Variants in DNAH1 observed in about 807,000 individuals in gnomAD.
DNAH1 encodes the protein axonemal beta dynein heavy chain 1.
In DNAH1, 327 loss-of-function variants were observed where a neutral mutation model predicts 484.3. The observed-to-expected ratio is 0.68, with a 90% CI of 0.62 to 0.74. The LOEUF is 0.74. DNAH1 is among the 30% of genes least tolerant of loss of function. The pLI, the probability that DNAH1 is intolerant of heterozygous loss-of-function variation, is 0.00. For synonymous variants in DNAH1, 2,192 were observed against 2,191.9 expected, an observed-to-expected ratio of 1.00 and a Z score of 0.00; for missense variants, 5,052 against 5,546.8, an observed-to-expected ratio of 0.91 and a Z score of 2.83.
chr3:52,369,725 C>T, intron 37 of DNAH1, 100 bp from the exon 38 acceptor site: 3 of 1,314,062 alleles, frequency 2.3e-6, no homozygotes, highest in Non-Finnish European at 2.1e-6. Context: ...CCACACCGCC[C>T]ACTTACAGGA....
At position 52,354,854 on chromosome 3, in the gene DNAH1, G is replaced by A. The variant is rs1290214730; in HGVS notation, c.3492G>A (p.Lys1164=). The part of the protein sequence containing the change: ...KEYAIEQALD[K]MEKEWSTILF... ...GTCCCCGACCCCAGGCACTGGACAA[G>A]ATGGAGAAGGAGTGGTCGACCATCC... The change falls in exon 21 of 78, where the codon AAG becomes AAA. Residue 1164 remains lysine, a synonymous_variant. Transcript: ENST00000420323. The A allele has an allele frequency of 6.2e-7, 1 of 1,613,674 alleles. No homozygotes were observed. The highest frequency in any genetic ancestry group is 1.3e-5 in the African/African-American group (1 of 75,028).
At position 52,399,669 on chromosome 3, in the gene DNAH1, A is replaced by C; in HGVS notation, c.12566A>C (p.Lys4189Thr). The C allele has an allele frequency of 6.2e-7, 1 of 1,614,022 alleles. No individual in the cohort carries two copies. Among genetic ancestry groups the C allele is most frequent in the East Asian group, 2.2e-5 (1 of 44,888 alleles). The change falls in exon 77 of 78, where the codon AAG (lysine) becomes ACG (threonine). Residue 4189 changes from lysine (K) to threonine (T), a missense_variant. Physicochemically the swap from Lys to Thr is moderately conservative, Grantham distance 78. Transcript: ENST00000420323. ...TTCCAGCTGGCTGAGTCTCAGCCCA[A>C]GGAGCTGTACACAGAGATGGCCGTT... is the stretch of plus-strand genomic sequence containing the variant. ...EAFQLAESQP[K>T]ELYTEMAVIW... is the part of the protein sequence containing the mutation.
intron 5 of DNAH1, among the ~76,000 whole-genome samples, chr3:52,327,294 G>A (rs748760170): frequency 4.6e-5 from 7 of 152,126 alleles, no homozygotes; most frequent in East Asian, 1.9e-4. Context: ...TGCCACCCCC[G>A]TGGGGTATAA....
Position 52,345,646 on chromosome 3 carries a change from C to T in DNAH1, c.1596C>T (p.Ser532=), listed in dbSNP as rs983923760. The change falls in exon 10 of 78, where the codon AGC becomes AGT. Residue 532 remains serine (S), a synonymous_variant. Transcript: ENST00000420323. ...KVTAMSLFHS[S]LSKYSHLEEF... ...CCGCCATGTCCCTGTTCCACTCGAG[C>T]CTCTCCAAGTACAGCCACCTGGAGG... 1.2e-6 allele frequency: 2 copies of T among 1,612,596 alleles called. No individual in the cohort carries two copies. Among genetic ancestry groups the T allele is most frequent in the Non-Finnish European group, 1.7e-6 (2 of 1,179,418 alleles).
rs763580863 is a variant in DNAH1 at position 52,359,365 on chromosome 3, G to C, written c.4386G>C (p.Leu1462=). ...AGGCCGGCAACCTCAGAAGCCAACTGTTCCCCCAGCTCTGCCAGCAGGTTG... is the reference window on the plus strand; with the variant it reads ...AGGCCGGCAACCTCAGAAGCCAACTCTTCCCCCAGCTCTGCCAGCAGGTTG... ...ALEAGNLRSQ[L]FPQLCQQLSD... Residue 1462 remains leucine, a synonymous_variant, in exon 26 of 78, where the codon CTG becomes CTC. Coordinates refer to ENST00000420323, the MANE Select transcript of DNAH1 (RefSeq NM_015512.5). The C allele has an allele frequency of 5.1e-6, 8 of 1,571,004 alleles. No homozygotes were observed. The highest frequency in any genetic ancestry group is 2.3e-5 in the South Asian group (2 of 85,532).
In DNAH1 at chr3:52,326,814, A is replaced by G; in HGVS notation, c.661A>G (p.Arg221Gly). ...CATCGACTCCAACAAGCTCATGCCC[A>G]GGCACCTGGACCACCAGCACCCCCA... ...QGIDSNKLMP[R>G]HLDHQHPQTI... The change falls in exon 5 of 78, where the codon AGG (arginine) becomes GGG (glycine). Residue 221 changes from arginine (R) to glycine (G), a missense_variant. This residue lies in a region of DNAH1 where 1,263 missense variants were observed against 1,218.8 expected (regional missense o/e 1.04). Transcript: ENST00000420323. 1 of 1,613,738 alleles carries G rather than the reference A, an allele frequency of 6.2e-7. No homozygotes were observed.
chr3:52,368,900 GATC>G lies in DNAH1; in HGVS notation c.5930_5932del (p.Ile1977del). 3 of 1,613,506 alleles carry G rather than the reference GATC, an allele frequency of 1.9e-6. No individual in the cohort carries two copies. The highest frequency in any genetic ancestry group is 2.5e-6 in the Non-Finnish European group (3 of 1,179,560). Reference sequence around the variant, plus strand: ...AGAAGCTGTGCCTCAGCTCTGGGGAGATCATCAAGCTCACAGAGGTGCACCTAC... The same window carrying G: ...AGAAGCTGTGCCTCAGCTCTGGGGAGATCAAGCTCACAGAGGTGCACCTAC... On this transcript the variant is annotated inframe_deletion, in exon 37 of 78. Coordinates refer to ENST00000420323, the MANE Select transcript of DNAH1 (RefSeq NM_015512.5). This position sits in a 1 kb window ranked among gnomAD's most constrained non-coding sequence, Gnocchi z 4.4.
In DNAH1 at chr3:52,357,999, C is replaced by A; in HGVS notation, c.4082C>A (p.Ala1361Asp). 6.2e-7 allele frequency: 1 copy of A among 1,602,906 alleles called. No homozygotes were observed. Among genetic ancestry groups the A allele is most frequent in the South Asian group, 1.1e-5 (1 of 90,274 alleles). Residue 1361 changes from alanine (A) to aspartate (D), a missense_variant, in exon 24 of 78, where the codon GCT (alanine) becomes GAT (aspartate). Ala to Asp is a moderately radical substitution (Grantham distance 126). Coordinates refer to ENST00000420323, the MANE Select transcript of DNAH1 (RefSeq NM_015512.5). ...CTGCGCAAGTGCTTCGAGAACATCG[C>A]TCGGGTGGGCAGCTGGGCCCGGGGC... ...PHLRKCFENI[A>D]RLLFQEDLEI... is the part of the protein sequence containing the mutation.
At chr3:52,335,021 C>T (rs1229749245) in intron 8 of DNAH1, among the ~76,000 whole-genome samples, 1 of 151,814 alleles carries the variant, frequency 6.6e-6, no homozygotes, top group Admixed American at 6.6e-5. Flanking sequence ...AGGATGGTCT[C>T]GATCTCCTGA....
In DNAH1 at chr3:52,381,684, C is replaced by A. The variant is rs371803497; in HGVS notation, c.7653C>A (p.Ile2551=). 1 of 1,608,574 alleles carries A rather than the reference C, an allele frequency of 6.2e-7. No individual in the cohort carries two copies. The highest frequency in any genetic ancestry group is 1.7e-5 in the Admixed American group (1 of 59,404). ...AGTACATAGAGGACTACAACCAGAT[C>A]AACACGGCCAAGCTGAAGCTGGTCC... The part of the protein sequence containing the change: ...IEEYIEDYNQ[I]NTAKLKLVLF... The change falls in exon 49 of 78, where the codon ATC becomes ATA. Residue 2551 remains isoleucine (I), a synonymous_variant. Coordinates refer to ENST00000420323, the MANE Select transcript of DNAH1 (RefSeq NM_015512.5). This position sits in a 1 kb window ranked among gnomAD's most constrained non-coding sequence, Gnocchi z 4.1.
intron 36 of DNAH1, 92 bp downstream of exon 36, chr3:52,366,979 G>A: frequency 6.9e-7 from 1 of 1,449,968 alleles, no homozygotes; most frequent in South Asian, 1.3e-5. Context: ...TTAGCCCAGT[G>A]GAAGGCCGGG....
intron 34 of DNAH1, 74 bp downstream of exon 34, chr3:52,365,093 GAC>G (rs1231799692): frequency 2.7e-5 from 42 of 1,536,758 alleles, no homozygotes; most frequent in Admixed American, 3.7e-5. Context: ...GGGGGACAGA[GAC>G]AGGACAGTCC....
rs201940851 is a variant in DNAH1 at position 52,326,890 on chromosome 3, A to C, written c.737A>C (p.Lys246Thr). The change falls in exon 5 of 78, where the codon AAG (lysine) becomes ACG (threonine). Residue 246 changes from lysine (K) to threonine (T), a missense_variant and splice_region_variant. Physicochemically the swap from Lys to Thr is moderately conservative, Grantham distance 78. Transcript: ENST00000420323. ...ATCTTCCCCATCTACCTCCCACTGA[A>C]GGTGAGCCGGGCTTCCACAGATGGT... The part of the protein sequence containing the change: ...DPIFPIYLPL[K>T]VFDNEDFDCR... 8.6e-5 allele frequency: 138 copies of C among 1,611,894 alleles called. No homozygotes were observed. The highest frequency in any genetic ancestry group is 1.1e-4 in the Non-Finnish European group (132 of 1,178,914).
chr3:52,327,568 G>A (rs1006971115), intron 5 of DNAH1, among the ~76,000 whole-genome samples: 1 of 152,182 alleles, frequency 6.6e-6, no homozygotes, highest in South Asian at 2.1e-4. Context: ...GTGGGAGAAA[G>A]AACCCACCAC....
At chr3:52,314,579 C>T (rs1700890562), upstream of DNAH1, among the ~76,000 whole-genome samples, 1 of 152,182 alleles carries the variant, frequency 6.6e-6, no homozygotes, top group Admixed American at 6.5e-5. Context: ...GGCAGGGCTG[C>T]TGAGAAAAGC....
chr3:52,397,167 A>G (rs958767808), intron 73 of DNAH1, 123 bp downstream of exon 73: 2 of 935,568 alleles, frequency 2.1e-6, no homozygotes, highest in Non-Finnish European at 3.2e-6. Flanking sequence ...CTGTCTTTTC[A>G]TCAGTCAATC....
rs200649444 is a variant in DNAH1 at position 52,357,926 on chromosome 3, C to T, written c.4009C>T (p.Leu1337=). Residue 1337 remains leucine (L), a synonymous_variant, in exon 24 of 78, where the codon CTA becomes TTA. Transcript: ENST00000420323. ...CTACTTCCTGTCAGATGATGAACTA[C>T]TAGAGATCTTGTCGCAGACAAAGGA... ...RFYFLSDDEL[L]EILSQTKDPT... is the part of the protein sequence containing the mutation. The T allele has an allele frequency of 1.2e-5, 19 of 1,613,238 alleles. No individual in the cohort carries two copies. Among genetic ancestry groups the T allele is most frequent in the Non-Finnish European group, 1.6e-5 (19 of 1,179,788 alleles).
chr3:52,393,513 T>A (rs1444271397), intron 66 of DNAH1, 28 bp downstream of exon 66: 1 of 1,612,144 alleles, frequency 6.2e-7, no homozygotes, highest in Non-Finnish European at 8.5e-7. Context: ...CAGGACAGAC[T>A]GCCTGAGGGG....
rs779186620 is a variant in DNAH1 at position 52,397,886 on chromosome 3, T to C, written c.11958+9T>C. ...GCCAGGGCCGGGAGGAGGTGGGTGG[T>C]GTCAGAGTAAGGGGCCCAAGGGCTG... On this transcript the variant is annotated intron_variant, in intron 74 of 77. Coordinates refer to ENST00000420323, the MANE Select transcript of DNAH1 (RefSeq NM_015512.5). 6.3e-7 allele frequency: 1 copy of C among 1,594,014 alleles called. No homozygotes were observed. The highest frequency in any genetic ancestry group is 1.1e-5 in the South Asian group (1 of 87,068).
Sources: allele counts gnomAD v4.1 joint callset (sites outside exome capture counted in the v4.1 genomes callset), GRCh38; gene constraint gnomAD v4.1.1; regional missense constraint gnomAD v4.1.1; non-coding constraint Gnocchi (gnomAD v3.1); transcripts MANE v1.5; gene names NCBI Gene and HGNC (gene_info 2026-07-23, HGNC 2026-07-21).